Variants in DMD observed in about 807,000 individuals in gnomAD.
DMD encodes the protein dystrophin, also known as mutant dystrophin.
A neutral mutation model predicts 330.1 loss-of-function variants in DMD; 63 were observed. The ratio of observed to expected loss-of-function variants is 0.19; its 90% CI spans 0.16 to 0.24. The LOEUF (loss-of-function observed/expected upper bound fraction) is 0.24. Among genes scored for constraint, DMD ranks in the 10% least tolerant of loss-of-function variants. DMD has a pLI of 1.00. For synonymous variants in DMD, 1,223 were observed against 959.8 expected, an observed-to-expected ratio of 1.27 and a Z score of -5.07; for missense variants, 3,344 against 2,684.1, an observed-to-expected ratio of 1.25 and a Z score of -5.43.
intron 55 of DMD, among the ~76,000 whole-genome samples, chrX:31,526,822 AAG>A (rs1431999372): frequency 1.8e-5 from 2 of 112,249 alleles, no homozygotes; most frequent in Non-Finnish European, 3.8e-5. Context: ...ATATTTTAAA[AAG>A]AGGGGCTGGG....
chrX:33,200,155 GAATATTA>G (rs1055937847), intron 1 of DMD, among the ~76,000 whole-genome samples: 9 of 111,157 alleles, frequency 8.1e-5, no homozygotes, highest in African/African-American at 2.9e-4. Context: ...TGCTAATGTT[GAATATTA>G]AAGTACTATT....
rs187916072 is a variant in DMD at position 32,278,975 on chromosome X, T to C, written c.6290+8554A>G. Among the ~76,000 whole-genome samples, 19 of 111,932 alleles carry C rather than the reference T, an allele frequency of 1.7e-4. No homozygotes were observed. In the East Asian group the frequency reaches 4.8e-3, roughly 28 times the overall value. On this transcript the variant is annotated intron_variant, in intron 43 of 78. Coordinates refer to ENST00000357033, the MANE Select transcript of DMD (RefSeq NM_004006.3). ...TAAAACAACTCTATAGGAAAAAGTC[T>C]AATAATTAGATCAGAAAATAGACAA... is the stretch of plus-strand genomic sequence containing the variant.
chrX:32,631,864 A>T (rs1186664390), intron 11 of DMD, among the ~76,000 whole-genome samples: 1 of 111,163 alleles, frequency 9.0e-6, no homozygotes, highest in Non-Finnish European at 1.9e-5. Context: ...TCAATGTGAG[A>T]TCTGGGCAAG....
At chrX:32,213,963 C>G (rs2097102916) in intron 44 of DMD, among the ~76,000 whole-genome samples, 1 of 108,739 alleles carries the variant, frequency 9.2e-6, no homozygotes, top group Non-Finnish European at 1.9e-5. Context: ...AAGCAAAATT[C>G]CATCTCAAAA....
intron 63 of DMD, among the ~76,000 whole-genome samples, chrX:31,251,088 C>CA (rs201186315): frequency 2.9e-5 from 3 of 103,554 alleles, no homozygotes; most frequent in Non-Finnish European, 4.0e-5. Context: ...CTCAAAAAAA[C>CA]AAAAAAAAAA....
chrX:31,872,188 G>T (rs760451249), intron 48 of DMD, among the ~76,000 whole-genome samples: 2 of 109,775 alleles, frequency 1.8e-5, no homozygotes, highest in Non-Finnish European at 3.8e-5. Flanking sequence ...GTGCTCAGAG[G>T]ACTGAAGCCA....
intron 55 of DMD, among the ~76,000 whole-genome samples, chrX:31,522,363 C>CTCTCTCTCTCTATATATATATATATA: frequency 7.0e-4 from 25 of 35,950 alleles, no homozygotes; most frequent in Admixed American, 1.7e-3. Flanking sequence ...CTCTCTCTCT[C>CTCTCTCTCTCTATATATATATATATA]TATATATATA....
At chrX:31,419,786 G>A (rs1315544052) in intron 60 of DMD, among the ~76,000 whole-genome samples, 1 of 111,876 alleles carries the variant, frequency 8.9e-6, no homozygotes, top group Non-Finnish European at 1.9e-5. Flanking sequence ...GAAATCTTGA[G>A]GTAGAGCTGG....
chrX:31,133,991 T>C, intron 77 of DMD, 111 bp downstream of exon 77: 2 of 672,377 alleles, frequency 3.0e-6, no homozygotes, highest in East Asian at 3.3e-5. Flanking sequence ...CAAATTGCCA[T>C]TCTGATACTG....
Position 32,817,334 on chromosome X carries a change from G to C in DMD, c.358-694C>G, listed in dbSNP as rs189994011. On this transcript the variant is annotated intron_variant, in intron 5 of 78. Coordinates refer to ENST00000357033, the MANE Select transcript of DMD (RefSeq NM_004006.3). Reference sequence around the variant, plus strand: ...CTAAGAGGTGTACATATGTAGCCTTGGTTCTATTTTCATTACTTGGTTTCC... The same window carrying C: ...CTAAGAGGTGTACATATGTAGCCTTCGTTCTATTTTCATTACTTGGTTTCC... 4.5e-5 allele frequency among the ~76,000 whole-genome samples: 5 copies of C among 111,736 alleles called. No individual in the cohort carries two copies. The East Asian group carries it at 1.4e-3, about 32-fold the overall frequency.
At chrX:32,934,651 GA>G (rs2089855363) in intron 2 of DMD, among the ~76,000 whole-genome samples, 1 of 111,393 alleles carries the variant, frequency 9.0e-6, no homozygotes, top group Non-Finnish European at 1.9e-5. Flanking sequence ...ATATGTAATG[GA>G]TATGTAAATT....
At chrX:31,828,174 G>A (rs1363033687) in intron 49 of DMD, among the ~76,000 whole-genome samples, 3 of 111,566 alleles carry the variant, frequency 2.7e-5, no homozygotes, top group Non-Finnish European at 5.6e-5. Context: ...GATTAACCAA[G>A]GAAAGAAGAG....
intron 63 of DMD, among the ~76,000 whole-genome samples, chrX:31,239,914 G>C (rs1377656811): frequency 8.9e-6 from 1 of 111,783 alleles, no homozygotes; most frequent in Non-Finnish European, 1.9e-5. Flanking sequence ...CCAGGTCTCA[G>C]ACACTCCCTT....
intron 16 of DMD, among the ~76,000 whole-genome samples, chrX:32,565,368 T>C (rs1403754779): frequency 1.8e-5 from 2 of 111,829 alleles, no homozygotes; most frequent in Non-Finnish European, 3.8e-5. Context: ...TTGGCTAATG[T>C]TCCTCGTGGT....
chrX:32,654,065 T>C (rs1284950652), intron 9 of DMD, among the ~76,000 whole-genome samples: 2 of 111,385 alleles, frequency 1.8e-5, no homozygotes, highest in Non-Finnish European at 3.8e-5. Flanking sequence ...GACAATGGGG[T>C]TTTCTAGATA....
At chrX:33,244,684 A>G (rs2052638664) in intron 1 of DMD, among the ~76,000 whole-genome samples, 1 of 111,660 alleles carries the variant, frequency 9.0e-6, no homozygotes, top group African/African-American at 3.2e-5. Flanking sequence ...CTTGAAGACT[A>G]ATAAAGAAGA....
chrX:31,507,192 T>TG (rs2071033744), intron 56 of DMD, 89 bp downstream of exon 56: 1 of 860,408 alleles, frequency 1.2e-6, no homozygotes, highest in Admixed American at 2.2e-5. Context: ...CGTAGACATG[T>TG]GAGATACCAG....
chrX:32,748,695 C>T (rs2070404662), intron 7 of DMD, among the ~76,000 whole-genome samples: 1 of 112,094 alleles, frequency 8.9e-6, no homozygotes, highest in Non-Finnish European at 1.9e-5. Flanking sequence ...ATTATCAATA[C>T]ATAGGGATTG....
chrX:32,019,588 T>C (rs1220881589), intron 44 of DMD, among the ~76,000 whole-genome samples: 1 of 111,426 alleles, frequency 9.0e-6, no homozygotes, highest in Non-Finnish European at 1.9e-5. Flanking sequence ...AATGTGATTA[T>C]ACTTTTATTC....
Sources: allele counts gnomAD v4.1 joint callset (sites outside exome capture counted in the v4.1 genomes callset), GRCh38; gene constraint gnomAD v4.1.1; transcripts MANE v1.5; gene names NCBI Gene and HGNC (gene_info 2026-07-23, HGNC 2026-07-21).